IRAK2: variants seen among roughly 807,000 people sequenced by gnomAD.
IRAK2 encodes the protein interleukin-1 receptor-associated kinase-like 2.
Under a neutral mutation model 72.0 loss-of-function variants are expected in IRAK2, and 57 were observed. That is an observed-to-expected ratio of 0.79 (90% CI 0.64 to 0.99). The LOEUF (loss-of-function observed/expected upper bound fraction) is 0.99. IRAK2 is among the 50% of genes least tolerant of loss of function. IRAK2 has a pLI of 0.00. For synonymous variants in IRAK2, 293 were observed against 312.7 expected (o/e 0.94, Z 0.67); for missense variants, 790 against 794.4 (o/e 0.99, Z 0.07).
intron 11 of IRAK2, among the ~76,000 whole-genome samples, chr3:10,236,341 GGTTTTTTTTTT>G (rs1407003486): frequency 3.2e-5 from 4 of 125,266 alleles, no homozygotes; most frequent in East Asian, 3.6e-4. Flanking sequence ...GAGCCACTAA[GGTTTTTTTTTT>G]TTTTTTTTTT....
chr3:10,236,199 C>T (rs974647149), intron 11 of IRAK2, among the ~76,000 whole-genome samples: 4 of 151,996 alleles, frequency 2.6e-5, no homozygotes, highest in African/African-American at 9.7e-5. Context: ...GAGCTCAGCA[C>T]GTTCAAGGGC....
Position 10,213,078 on chromosome 3 carries a change from C to A in IRAK2, c.529-129C>A, listed in dbSNP as rs1346373125. On this transcript the variant is annotated intron_variant, in intron 4 of 12. Transcript: ENST00000256458. ...CCACCGTGCCCGGCCTATCCATGTC[C>A]TTTTTACAGTTTCCATTGGATAAGT... 4 of 796,010 alleles carry A rather than the reference C, an allele frequency of 5.0e-6. No individual in the cohort carries two copies. In the African/African-American group the frequency reaches 7.0e-5, roughly 14 times the overall value. The allele number at this position is 796,010 out of a possible 1,614,324, so 49.3% of individuals were successfully genotyped here.
chr3:10,210,216 C>T (rs761386228), intron 4 of IRAK2, among the ~76,000 whole-genome samples: 26 of 152,098 alleles, frequency 1.7e-4, no homozygotes, highest in Non-Finnish European at 3.4e-4. Context: ...CCACTGCACC[C>T]GGCCATTATT....
chr3:10,227,477 C>T (rs1697798068), intron 10 of IRAK2, among the ~76,000 whole-genome samples: 1 of 151,964 alleles, frequency 6.6e-6, no homozygotes, highest in South Asian at 2.1e-4. Flanking sequence ...ACAACCTAGC[C>T]TGACTTTGTG....
intron 8 of IRAK2, among the ~76,000 whole-genome samples, chr3:10,221,560 AT>A (rs559223802): frequency 2.0e-5 from 3 of 148,570 alleles, no homozygotes; most frequent in Admixed American, 1.3e-4. Context: ...GCCAAAAAAA[AT>A]TTTTTTTTGA....
chr3:10,181,943 T>C (rs1180050196), intron 2 of IRAK2, among the ~76,000 whole-genome samples: 1 of 151,696 alleles, frequency 6.6e-6, no homozygotes, highest in Non-Finnish European at 1.5e-5. Context: ...TGAGTAAGCA[T>C]CATTTTCTTT....
At position 10,182,028 on chromosome 3, in the gene IRAK2, C is replaced by T. The variant is rs528115845; in HGVS notation, c.277+4008C>T. 6.8e-4 allele frequency among the ~76,000 whole-genome samples: 100 copies of T among 146,062 alleles called. No individual in the cohort carries two copies. In the South Asian group the frequency reaches 0.016, roughly 23 times the overall value. ...TGTCACCCAGGCTGGAGTGCAGTGG[C>T]GCAATCTTGGCTCACCGCAACCTCT... On this transcript the variant is annotated intron_variant, in intron 2 of 12. Transcript: ENST00000256458.
intron 2 of IRAK2, among the ~76,000 whole-genome samples, chr3:10,183,251 C>T (rs915493334): frequency 6.6e-6 from 1 of 152,190 alleles, no homozygotes; most frequent in Non-Finnish European, 1.5e-5. Context: ...AGTGGTACGA[C>T]AGGGGCCCAC....
At chr3:10,202,696 T>TC (rs1312718534) in intron 3 of IRAK2, among the ~76,000 whole-genome samples, 1 of 146,038 alleles carries the variant, frequency 6.8e-6, no homozygotes, top group African/African-American at 2.5e-5. Context: ...TTCCTTTTTT[T>TC]TTTTTTTTTT....
chr3:10,228,994 C>T (rs1251890935), intron 10 of IRAK2, among the ~76,000 whole-genome samples: 2 of 150,154 alleles, frequency 1.3e-5, no homozygotes, highest in Non-Finnish European at 1.5e-5. Flanking sequence ...GTGCAGTGGG[C>T]GTGATCTTGG....
chr3:10,207,966 T>G (rs1575973947), intron 3 of IRAK2, among the ~76,000 whole-genome samples: 1 of 131,518 alleles, frequency 7.6e-6, no homozygotes, highest in African/African-American at 2.9e-5. Flanking sequence ...CACTCCAGCC[T>G]GGGTGACAGA....
intron 4 of IRAK2, among the ~76,000 whole-genome samples, chr3:10,211,404 AT>A (rs199514088): frequency 1 from 152,185 of 152,186 alleles, 76,092 homozygotes; most frequent in Non-Finnish European, 1. Context: ...GGCCTCCCAC[AT>A]ATGGTGAGAT....
At chr3:10,166,538 A>G (rs527858775) in intron 1 of IRAK2, among the ~76,000 whole-genome samples, 83 of 152,320 alleles carry the variant, frequency 5.4e-4, no homozygotes, top group African/African-American at 1.9e-3. Flanking sequence ...TAAACTGGAG[A>G]TGATAATTAT....
chr3:10,183,358 T>G (rs1696992674), intron 2 of IRAK2, among the ~76,000 whole-genome samples: 1 of 152,160 alleles, frequency 6.6e-6, no homozygotes, highest in East Asian at 1.9e-4. Context: ...CTCTGTTCCT[T>G]GATATTTCCT....
At chr3:10,170,276 C>T (rs1179945435) in intron 1 of IRAK2, among the ~76,000 whole-genome samples, 1 of 152,216 alleles carries the variant, frequency 6.6e-6, no homozygotes, top group East Asian at 1.9e-4. Flanking sequence ...CTCCCCCTTA[C>T]AGGGACCCTG....
chr3:10,188,490 C>T (rs112242736), intron 2 of IRAK2, among the ~76,000 whole-genome samples: 8 of 151,884 alleles, frequency 5.3e-5, no homozygotes, highest in Middle Eastern at 3.2e-3. Flanking sequence ...TGCACTACCA[C>T]GCCTGGCTAA....
intron 2 of IRAK2, among the ~76,000 whole-genome samples, chr3:10,181,666 C>T (rs1339916719): frequency 6.6e-6 from 1 of 152,100 alleles, no homozygotes; most frequent in African/African-American, 2.4e-5. Context: ...TGCATAAATG[C>T]CCAACAACAA....
intron 10 of IRAK2, among the ~76,000 whole-genome samples, chr3:10,229,510 A>G (rs897059773): frequency 1.1e-4 from 16 of 152,316 alleles, no homozygotes; most frequent in Admixed American, 3.9e-4. Context: ...CTCCACTTAC[A>G]GGTCCTGGCA....
chr3:10,198,257 A>G (rs569954781), intron 2 of IRAK2, among the ~76,000 whole-genome samples: 11 of 152,398 alleles, frequency 7.2e-5, no homozygotes, highest in African/African-American at 9.6e-5. Flanking sequence ...GTGACAGTAA[A>G]GAAAACACAA....
Sources: gnomAD v4.1 joint callset for allele counts (sites outside exome capture counted in the v4.1 genomes callset) on GRCh38, gnomAD v4.1.1 for gene constraint, MANE v1.5 for transcripts, NCBI Gene and HGNC (gene_info 2026-07-23, HGNC 2026-07-21) for gene names.